Variants in TRAPPC9 observed in about 807,000 individuals in gnomAD.
TRAPPC9 encodes trafficking protein particle complex subunit 9.
In TRAPPC9, 83 loss-of-function variants were observed where a neutral mutation model predicts 124.0. That is an observed-to-expected ratio of 0.67 (90% CI 0.56 to 0.80). The LOEUF is 0.80. TRAPPC9 is among the 30% of genes least tolerant of loss of function. The pLI is 0.00. For synonymous variants in TRAPPC9, 638 were observed against 617.5 expected (o/e 1.03, Z -0.49); for missense variants, 1,302 against 1,508.3 (o/e 0.86, Z 2.27).
At chr8:139,875,310 C>T (rs375544313) in intron 21 of TRAPPC9, among the ~76,000 whole-genome samples, 10 of 152,146 alleles carry the variant, frequency 6.6e-5, no homozygotes, top group East Asian at 5.8e-4. Context: ...TGAGGGATGT[C>T]GTAGCAACCT....
chr8:139,971,707 G>C (rs987300367), intron 19 of TRAPPC9, among the ~76,000 whole-genome samples: 3 of 104,592 alleles, frequency 2.9e-5, no homozygotes, highest in Non-Finnish European at 4.0e-5. Flanking sequence ...GAATGCTAAA[G>C]TTCATATATA....
chr8:139,971,125 C>T (rs2665943), intron 19 of TRAPPC9, among the ~76,000 whole-genome samples: 133,887 of 151,726 alleles, frequency 0.88, 59,242 homozygotes, highest in East Asian at 0.98. Context: ...GATCAGCACC[C>T]AGGCTCCCGC....
At chr8:139,889,498 T>TG (rs1207133577) in intron 20 of TRAPPC9, among the ~76,000 whole-genome samples, 1 of 151,970 alleles carries the variant, frequency 6.6e-6, no homozygotes, top group Non-Finnish European at 1.5e-5. Flanking sequence ...AGACAAGGAA[T>TG]GGGAGGGAGT....
At chr8:139,909,654 G>C (rs111722774) in intron 20 of TRAPPC9, among the ~76,000 whole-genome samples, 2 of 152,366 alleles carry the variant, frequency 1.3e-5, no homozygotes, top group African/African-American at 4.8e-5. Flanking sequence ...CCAAAGTTCA[G>C]ACCAGGCTCA....
intron 19 of TRAPPC9, among the ~76,000 whole-genome samples, chr8:139,912,449 G>A (rs544257274): frequency 1.3e-5 from 2 of 152,120 alleles, no homozygotes; most frequent in Non-Finnish European, 2.9e-5. Context: ...TGTAGAAAAA[G>A]ACCTGACAAA....
intron 21 of TRAPPC9, among the ~76,000 whole-genome samples, chr8:139,838,939 G>T (rs1378949394): frequency 2.0e-5 from 3 of 152,198 alleles, no homozygotes; most frequent in Admixed American, 6.5e-5. Context: ...CTGATGTGCA[G>T]CAAGAGGGAC....
chr8:140,203,120 G>C (rs1375603950), intron 17 of TRAPPC9, among the ~76,000 whole-genome samples: 2 of 152,126 alleles, frequency 1.3e-5, no homozygotes, highest in Non-Finnish European at 2.9e-5. Flanking sequence ...TCAAATGGGA[G>C]AAATTTTAAA....
At chr8:140,155,833 TATC>T (rs1266259184) in intron 17 of TRAPPC9, among the ~76,000 whole-genome samples, 1 of 152,174 alleles carries the variant, frequency 6.6e-6, no homozygotes, top group Non-Finnish European at 1.5e-5. Flanking sequence ...AAAACAAAGA[TATC>T]ATCTCTCTTT....
chr8:140,012,340 T>G (rs968559470), intron 18 of TRAPPC9, among the ~76,000 whole-genome samples: 1 of 152,180 alleles, frequency 6.6e-6, no homozygotes, highest in Non-Finnish European at 1.5e-5. Flanking sequence ...TTATTTACTA[T>G]GTCCCTATCA....
chr8:139,964,224 C>CAA (rs1008397834), intron 19 of TRAPPC9, among the ~76,000 whole-genome samples: 23,564 of 67,154 alleles, frequency 0.35, 3,605 homozygotes, highest in East Asian at 0.65. Flanking sequence ...GACTCTGTCT[C>CAA]AAAAAAAAAA....
At chr8:140,308,718 TA>T (rs2066209153) in intron 10 of TRAPPC9, among the ~76,000 whole-genome samples, 1 of 151,922 alleles carries the variant, frequency 6.6e-6, no homozygotes. Context: ...CTGTCTCTAC[TA>T]AAAATACAAA....
At chr8:140,375,072 A>T (rs1213075327) in intron 7 of TRAPPC9, among the ~76,000 whole-genome samples, 2 of 152,146 alleles carry the variant, frequency 1.3e-5, no homozygotes, top group Admixed American at 6.5e-5. Flanking sequence ...GAGCCCAGAG[A>T]GCCTCAGGAC....
intron 21 of TRAPPC9, among the ~76,000 whole-genome samples, chr8:139,882,887 C>G (rs1829765169): frequency 6.6e-6 from 1 of 152,224 alleles, no homozygotes; most frequent in African/African-American, 2.4e-5. Context: ...GAGTCCAGGG[C>G]TACCTGATCC....
rs769029934 is a variant in TRAPPC9 at position 140,435,192 on chromosome 8, C to T, written c.779G>A (p.Gly260Asp). 2 of 1,614,168 alleles carry T rather than the reference C, an allele frequency of 1.2e-6. No homozygotes were observed. ...CSASVIYHYP[G>D]GTGGKSGARR... ...AGCTCCACTCTTCCCACCAGTTCCA[C>T]CAGGATAGTGATAGATGACAGAAGC... The change falls in exon 4 of 23, where the codon GGT becomes GAT. Residue 260 changes from glycine (G) to aspartate (D), a missense_variant. Around this residue, in one of 3 missense-constraint regions of TRAPPC9, gnomAD observed 657 missense variants for 811.2 expected, o/e 0.81. Transcript: ENST00000438773.
intron 21 of TRAPPC9, among the ~76,000 whole-genome samples, chr8:139,842,291 A>G (rs1042025544): frequency 6.6e-6 from 1 of 152,174 alleles, no homozygotes; most frequent in African/African-American, 2.4e-5. Context: ...CTTTTTAAAC[A>G]GTCTAGGCCC....
Position 140,326,322 on chromosome 8 carries a change from C to T in TRAPPC9, c.1496-14948G>A, listed in dbSNP as rs2066737222. ...CTTTTTGGGGAACCTTCCCTGGTGA[C>T]TCTGCCTTGTGCTCCGCTCTGTCAT... On this transcript the variant is annotated intron_variant, in intron 9 of 22. Coordinates refer to ENST00000438773, the MANE Select transcript of TRAPPC9 (RefSeq NM_001160372.4). Among the ~76,000 whole-genome samples the T allele has an allele frequency of 2.6e-5, 4 of 152,032 alleles. 1 individual carries two copies. The highest frequency in any genetic ancestry group is 2.6e-4 in the Admixed American group (4 of 15,272).
chr8:140,357,760 G>A (rs11782184), intron 9 of TRAPPC9, among the ~76,000 whole-genome samples: 62,263 of 152,054 alleles, frequency 0.41, 13,108 homozygotes, highest in East Asian at 0.55. Context: ...TCCCGTCACC[G>A]AAACGCCGGA....
At chr8:139,784,573 CAAATAAAT>C (rs571905487) in intron 21 of TRAPPC9, among the ~76,000 whole-genome samples, 3 of 112,132 alleles carry the variant, frequency 2.7e-5, no homozygotes, top group South Asian at 2.9e-4. Context: ...GACTCCATGT[CAAATAAAT>C]AAATAAATAA....
chr8:139,748,431 TG>T lies in TRAPPC9; in HGVS notation c.3056-16230del, dbSNP rs540040600. Among the ~76,000 whole-genome samples the T allele has an allele frequency of 4.2e-3, 144 of 34,176 alleles. 1 individual carries two copies. In the South Asian group the frequency reaches 0.053, roughly 13 times the overall value. The allele number at this position is 34,176 out of a possible 152,430, so 22.4% of individuals were successfully genotyped here. ...GGGGCTGTGCAGGGGTCAGAGCAGGTGGGGAGGTGTGCAGGGATCAGAGAAG... is the reference window on the plus strand; with the variant it reads ...GGGGCTGTGCAGGGGTCAGAGCAGGTGGGAGGTGTGCAGGGATCAGAGAAG... On this transcript the variant is annotated intron_variant, in intron 21 of 22. Coordinates refer to ENST00000438773, the MANE Select transcript of TRAPPC9 (RefSeq NM_001160372.4).
Sources: allele counts gnomAD v4.1 joint callset (sites outside exome capture counted in the v4.1 genomes callset), GRCh38; gene constraint gnomAD v4.1.1; regional missense constraint gnomAD v4.1.1; transcripts MANE v1.5; gene names NCBI Gene and HGNC (gene_info 2026-07-23, HGNC 2026-07-21).